Variants in NEK7 observed in about 807,000 individuals in gnomAD.
NEK7 encodes the protein NIMA related kinase 7.
Under a neutral mutation model 44.6 loss-of-function variants are expected in NEK7, and 18 were observed. The observed-to-expected ratio is 0.40, with a 90% CI of 0.28 to 0.60. NEK7 has a LOEUF of 0.60. NEK7 is among the 20% of genes least tolerant of loss of function. The pLI is 0.38. For missense variants in NEK7, 256 were observed against 366.5 expected (o/e 0.70, Z 2.46); for synonymous variants, 130 against 121.1 (o/e 1.07, Z -0.48).
intron 2 of NEK7, among the ~76,000 whole-genome samples, chr1:198,249,982 A>G (rs940364871): frequency 6.9e-6 from 1 of 144,146 alleles, no homozygotes; most frequent in Admixed American, 7.0e-5. Context: ...GGTAACGCCT[A>G]GGTTTTCTTC....
intron 2 of NEK7, among the ~76,000 whole-genome samples, chr1:198,249,419 C>G (rs538406594): frequency 6.6e-6 from 1 of 151,812 alleles, no homozygotes; most frequent in South Asian, 2.1e-4. Flanking sequence ...AATGGGATGG[C>G]TGGGTCAAAT....
chr1:198,314,679 T>G (rs918759964), intron 9 of NEK7, among the ~76,000 whole-genome samples: 48 of 152,048 alleles, frequency 3.2e-4, no homozygotes, highest in South Asian at 8.3e-4. Flanking sequence ...CAAGTCTGTT[T>G]GAGTACCCGG....
At chr1:198,209,905 CTCCTGGGT>C (rs1260223566) in intron 1 of NEK7, among the ~76,000 whole-genome samples, 1 of 152,008 alleles carries the variant, frequency 6.6e-6, no homozygotes, top group Non-Finnish European at 1.5e-5. Context: ...CAACTTCTGC[CTCCTGGGT>C]TCAAGCAATT....
chr1:198,271,336 C>T (rs1242926659), intron 5 of NEK7, among the ~76,000 whole-genome samples: 1 of 151,952 alleles, frequency 6.6e-6, no homozygotes, highest in African/African-American at 2.4e-5. Context: ...GATTATACAA[C>T]AGGACTTGAG....
intron 7 of NEK7, among the ~76,000 whole-genome samples, chr1:198,290,892 C>CA (rs1312837868): frequency 3.3e-5 from 5 of 152,096 alleles, no homozygotes; most frequent in Non-Finnish European, 7.4e-5. Flanking sequence ...CAGTGACCTC[C>CA]AGCAGCTCAC....
At chr1:198,185,439 GAA>G (rs1226003884) in intron 1 of NEK7, among the ~76,000 whole-genome samples, 1 of 151,982 alleles carries the variant, frequency 6.6e-6, no homozygotes, top group Non-Finnish European at 1.5e-5. Flanking sequence ...GGGAGCAAGT[GAA>G]TTATCTCATG....
At chr1:198,224,314 G>A (rs1470058999) in intron 1 of NEK7, among the ~76,000 whole-genome samples, 1 of 152,044 alleles carries the variant, frequency 6.6e-6, no homozygotes, top group African/African-American at 2.4e-5. Flanking sequence ...CACTGTGTTC[G>A]AGTTGTCCAT....
chr1:198,273,880 G>A (rs1653931018), intron 5 of NEK7, among the ~76,000 whole-genome samples: 1 of 151,600 alleles, frequency 6.6e-6, no homozygotes, highest in Non-Finnish European at 1.5e-5. Context: ...TTTTAGAAGT[G>A]GTGGAGACGT....
intron 9 of NEK7, among the ~76,000 whole-genome samples, chr1:198,313,799 T>G (rs190339591): frequency 1.3e-5 from 2 of 150,828 alleles, no homozygotes; most frequent in Non-Finnish European, 1.5e-5. Flanking sequence ...AGTTTCTGCC[T>G]AGAGATCCGC....
chr1:198,174,066 G>A (rs1300982637), intron 1 of NEK7, among the ~76,000 whole-genome samples: 1 of 152,170 alleles, frequency 6.6e-6, no homozygotes, highest in Non-Finnish European at 1.5e-5. Flanking sequence ...AAATAATTTG[G>A]CAGAGTTTGG....
intron 1 of NEK7, among the ~76,000 whole-genome samples, chr1:198,170,307 AG>A (rs1384912941): frequency 6.6e-6 from 1 of 152,180 alleles, no homozygotes; most frequent in Non-Finnish European, 1.5e-5. Flanking sequence ...TGTGGAGACC[AG>A]ACAGAGACTA....
chr1:198,288,144 G>C (rs1333083350), intron 7 of NEK7, among the ~76,000 whole-genome samples: 1 of 152,128 alleles, frequency 6.6e-6, no homozygotes, highest in African/African-American at 2.4e-5. Flanking sequence ...TAGATCTTTG[G>C]CTTATTCCCC....
intron 1 of NEK7, among the ~76,000 whole-genome samples, chr1:198,204,486 G>C (rs1165493956): frequency 1.3e-5 from 2 of 152,066 alleles, no homozygotes; most frequent in African/African-American, 4.8e-5. Context: ...TTGGGAGGCC[G>C]AGGCAGGCGG....
chr1:198,240,731 C>G (rs1666663592), intron 2 of NEK7, among the ~76,000 whole-genome samples: 1 of 152,158 alleles, frequency 6.6e-6, no homozygotes, highest in African/African-American at 2.4e-5. Context: ...GCTCTGTCAC[C>G]TAGGCTGGAG....
intron 3 of NEK7, among the ~76,000 whole-genome samples, chr1:198,262,373 A>C (rs763788704): frequency 5.3e-5 from 8 of 151,880 alleles, no homozygotes; most frequent in Non-Finnish European, 8.8e-5. Flanking sequence ...CTCTTTATCC[A>C]TTTTTTAAAT....
chr1:198,218,855 A>G (rs1666001834), intron 1 of NEK7, among the ~76,000 whole-genome samples: 1 of 152,024 alleles, frequency 6.6e-6, no homozygotes, highest in Admixed American at 6.6e-5. Context: ...AACCACAATG[A>G]GATACCACCT....
At chr1:198,252,528 C>CTAATA (rs1653055278) in intron 2 of NEK7, among the ~76,000 whole-genome samples, 1 of 32,694 alleles carries the variant, frequency 3.1e-5, no homozygotes. Flanking sequence ...ATCTCACATA[C>CTAATA]TATATATATA....
At chr1:198,318,659 C>G (rs1655445579) in intron 9 of NEK7, among the ~76,000 whole-genome samples, 1 of 152,078 alleles carries the variant, frequency 6.6e-6, no homozygotes, top group African/African-American at 2.4e-5. Context: ...CACATAGTTT[C>G]ATAAACTGAT....
intron 2 of NEK7, among the ~76,000 whole-genome samples, chr1:198,247,054 G>T (rs1666852858): frequency 6.6e-6 from 1 of 152,126 alleles, no homozygotes. Flanking sequence ...CTGAGAAGTG[G>T]TACTTTGTGA....
Sources: allele counts gnomAD v4.1 joint callset (sites outside exome capture counted in the v4.1 genomes callset), GRCh38; gene constraint gnomAD v4.1.1; transcripts MANE v1.5; gene names NCBI Gene and HGNC (gene_info 2026-07-23, HGNC 2026-07-21).